LRP1B: variants seen among roughly 807,000 people sequenced by gnomAD.
LRP1B encodes the protein low-density lipoprotein receptor-related protein 1B.
Under a neutral mutation model 556.6 loss-of-function variants are expected in LRP1B, and 217 were observed. The observed-to-expected ratio is 0.39, with a 90% confidence interval of 0.35 to 0.44. The LOEUF is 0.44. Ranked by LOEUF, LRP1B falls within the 20% of genes least tolerant of loss-of-function variation. The pLI is 1.00. For missense variants in LRP1B, 5,053 were observed against 5,620.8 expected, an observed-to-expected ratio of 0.90 and a Z score of 3.23; for synonymous variants, 2,047 against 1,865.8, an observed-to-expected ratio of 1.10 and a Z score of -2.50.
intron 3 of LRP1B, among the ~76,000 whole-genome samples, chr2:141,298,445 T>A (rs934901117): frequency 6.6e-6 from 1 of 152,138 alleles, no homozygotes; most frequent in Non-Finnish European, 1.5e-5. Flanking sequence ...CATGACTCTG[T>A]AACAAAGTCA....
At chr2:141,026,128 A>G (rs1453216130) in intron 11 of LRP1B, among the ~76,000 whole-genome samples, 1 of 152,040 alleles carries the variant, frequency 6.6e-6, no homozygotes, top group East Asian at 1.9e-4. Flanking sequence ...TATCACACCT[A>G]TTCTCGAATA....
chr2:142,020,504 T>C (rs959730383), intron 1 of LRP1B, among the ~76,000 whole-genome samples: 1 of 152,158 alleles, frequency 6.6e-6, no homozygotes, highest in African/African-American at 2.4e-5. Context: ...AAGCTATTAA[T>C]ACAGTTCAGA....
intron 42 of LRP1B, among the ~76,000 whole-genome samples, chr2:140,600,713 G>C (rs1056905344): frequency 7.0e-6 from 1 of 143,082 alleles, no homozygotes; most frequent in African/African-American, 2.6e-5. Context: ...ATATGAGAGT[G>C]AAAGTCCATA....
At chr2:141,554,200 T>G (rs1185741237) in intron 2 of LRP1B, among the ~76,000 whole-genome samples, 3 of 146,044 alleles carry the variant, frequency 2.1e-5, no homozygotes, top group Non-Finnish European at 4.5e-5. Context: ...GGGTTATATA[T>G]ATCTATAGGA....
intron 41 of LRP1B, among the ~76,000 whole-genome samples, chr2:140,666,953 T>C (rs73961449): frequency 0.024 from 3,685 of 152,318 alleles, 53 homozygotes; most frequent in Middle Eastern, 0.041. Flanking sequence ...CATTAAGGCA[T>C]AACATTTTTT....
chr2:141,883,545 C>A (rs1699021681), intron 1 of LRP1B, among the ~76,000 whole-genome samples: 1 of 152,048 alleles, frequency 6.6e-6, no homozygotes, highest in Admixed American at 6.6e-5. Flanking sequence ...CGTAGCAAGA[C>A]CCTGTCTCTA....
rs1558858138 is a variant in LRP1B, at chr2:141,096,629, G to GAGAGAGAGAGAGAGA, written c.1014-34357_1014-34356insTCTCTCTCTCTCTCT. Among the ~76,000 whole-genome samples the GAGAGAGAGAGAGAGA allele has an allele frequency of 1.6e-3, 97 of 59,740 alleles. 17 individuals are homozygous for GAGAGAGAGAGAGAGA. The highest frequency in any genetic ancestry group is 4.2e-3 in the South Asian group (7 of 1,662). The allele number at this position is 59,740 out of a possible 152,430, so 39.2% of individuals were successfully genotyped here. A position where few individuals can be genotyped will look rare whatever the true frequency, so the allele number is the denominator to read the frequency against. ...CTGAATGACAAAGACGGGGAGAGGG[G>GAGAGAGAGAGAGAGA]GAGAGAGAGAGAGAGAGAGAGAGAG... On this transcript the variant is annotated intron_variant, in intron 7 of 90. Transcript: ENST00000389484.
chr2:141,868,612 C>T (rs1392541083), intron 1 of LRP1B, among the ~76,000 whole-genome samples: 5 of 152,110 alleles, frequency 3.3e-5, no homozygotes, highest in African/African-American at 1.2e-4. Context: ...AAAGTGCTGA[C>T]CTGATCTTTA....
chr2:140,589,336 T>A (rs1006266580), intron 43 of LRP1B, among the ~76,000 whole-genome samples: 17 of 152,058 alleles, frequency 1.1e-4, no homozygotes, highest in African/African-American at 4.1e-4. Context: ...ACTCATAAAC[T>A]GTAAGTGGGA....
Position 141,059,066 on chromosome 2 carries a change from G to A in LRP1B, c.1237-12C>T, listed in dbSNP as rs932119692. On this transcript the variant is annotated splice_polypyrimidine_tract_variant and intron_variant, in intron 8 of 90. Coordinates refer to ENST00000389484, the MANE Select transcript of LRP1B (RefSeq NM_018557.3). ...TAAAGATGTCTAACCTATAAAGAGG[G>A]CAAAACATAACTATGATTTTTAATT... is the stretch of plus-strand genomic sequence containing the variant. 2.1e-6 allele frequency: 3 copies of A among 1,435,654 alleles called. No homozygotes were observed. The highest frequency in any genetic ancestry group is 4.9e-5 in the Admixed American group (2 of 40,892). The allele number at this position is 1,435,654 out of a possible 1,614,324, so 88.9% of individuals were successfully genotyped here.
chr2:140,575,952 G>C (rs925632845), intron 43 of LRP1B, among the ~76,000 whole-genome samples: 8 of 144,966 alleles, frequency 5.5e-5, no homozygotes, highest in Admixed American at 4.0e-4. Context: ...CAAAAAAAAA[G>C]TATCAAAGAA....
At chr2:140,270,567 C>A (rs537364637) in intron 85 of LRP1B, among the ~76,000 whole-genome samples, 6 of 151,890 alleles carry the variant, frequency 4.0e-5, no homozygotes, top group African/African-American at 1.4e-4. Context: ...AAATTTTCAA[C>A]CAGTTCATTT....
intron 49 of LRP1B, among the ~76,000 whole-genome samples, chr2:140,518,683 C>A (rs1690021919): frequency 6.6e-6 from 1 of 152,116 alleles, no homozygotes; most frequent in Non-Finnish European, 1.5e-5. Flanking sequence ...GTATTTTATT[C>A]TCTTTGTAAC....
intron 43 of LRP1B, among the ~76,000 whole-genome samples, chr2:140,592,817 G>A (rs911462997): frequency 6.6e-6 from 1 of 152,026 alleles, no homozygotes; most frequent in Non-Finnish European, 1.5e-5. Context: ...GTTCAGGCTT[G>A]TAGTCCCAAC....
chr2:140,765,932 G>A (rs1689088002), intron 35 of LRP1B, among the ~76,000 whole-genome samples: 1 of 151,986 alleles, frequency 6.6e-6, no homozygotes, highest in African/African-American at 2.4e-5. Flanking sequence ...GTTAATGGGT[G>A]CAGCACACCA....
chr2:141,344,692 G>A (rs1159087854), intron 3 of LRP1B, among the ~76,000 whole-genome samples: 1 of 151,858 alleles, frequency 6.6e-6, no homozygotes, highest in African/African-American at 2.4e-5. Context: ...CTCCATAAGG[G>A]CAGACTCTAA....
At chr2:140,603,400 T>A (rs12478109) in intron 41 of LRP1B, among the ~76,000 whole-genome samples, 33,386 of 152,062 alleles carry the variant, frequency 0.22, 4,008 homozygotes, top group Admixed American at 0.3. Flanking sequence ...TTTTTTAAAC[T>A]TCCAAATCAT....
intron 32 of LRP1B, among the ~76,000 whole-genome samples, chr2:140,791,230 G>A (rs1365751642): frequency 6.6e-6 from 1 of 151,978 alleles, no homozygotes; most frequent in Non-Finnish European, 1.5e-5. Context: ...CTCCAGCCTG[G>A]TGACAGATCG....
chr2:140,667,335 T>C (rs941954169), intron 41 of LRP1B, among the ~76,000 whole-genome samples: 1 of 152,192 alleles, frequency 6.6e-6, no homozygotes, highest in African/African-American at 2.4e-5. Flanking sequence ...CATCAGGCAA[T>C]AGAGTTGAAC....
Sources: allele counts gnomAD v4.1 joint callset (sites outside exome capture counted in the v4.1 genomes callset), GRCh38; gene constraint gnomAD v4.1.1; transcripts MANE v1.5; gene names NCBI Gene and HGNC (gene_info 2026-07-23, HGNC 2026-07-21).